The following PDGFC variants were observed in gnomAD, a reference collection of about 807,000 sequenced individuals.
The protein encoded by PDGFC is platelet-derived growth factor C.
A neutral mutation model predicts 35.5 loss-of-function variants in PDGFC; 12 were observed. The ratio of observed to expected loss-of-function variants is 0.34; its 90% CI spans 0.22 to 0.55. PDGFC has a LOEUF of 0.55. PDGFC is among the 20% of genes least tolerant of loss of function. The pLI, the probability that PDGFC is intolerant of heterozygous loss-of-function variation, is 0.91. For missense variants in PDGFC, 322 were observed against 412.4 expected, an observed-to-expected ratio of 0.78 and a Z score of 1.90; for synonymous variants, 159 against 148.8, an observed-to-expected ratio of 1.07 and a Z score of -0.50.
In PDGFC at chr4:156,956,303, CT is replaced by C; in HGVS notation, c.118+14482del. ...TAGCCATGGAGAACAACAATGTAGACTTTCCTTACTCAAAGTTTGGTCCTCA... is the reference window on the plus strand; with the variant it reads ...TAGCCATGGAGAACAACAATGTAGACTTCCTTACTCAAAGTTTGGTCCTCA... On this transcript the variant is annotated intron_variant, in intron 1 of 5. Coordinates refer to ENST00000502773, the MANE Select transcript of PDGFC (RefSeq NM_016205.3). Among the ~76,000 whole-genome samples, 4 of 152,148 alleles carry C rather than the reference CT, an allele frequency of 2.6e-5. 1 individual carries two copies. The highest frequency in any genetic ancestry group is 2.6e-4 in the Admixed American group (4 of 15,266).
At chr4:156,846,208 A>G (rs1158686236) in intron 2 of PDGFC, among the ~76,000 whole-genome samples, 1 of 151,908 alleles carries the variant, frequency 6.6e-6, no homozygotes, top group East Asian at 1.9e-4. Context: ...CATAAATCAC[A>G]TTAATTACAA....
chr4:156,961,848 T>C (rs1219934654), intron 1 of PDGFC, among the ~76,000 whole-genome samples: 2 of 152,070 alleles, frequency 1.3e-5, no homozygotes, highest in Non-Finnish European at 2.9e-5. Flanking sequence ...AGTGTGAAAA[T>C]AGCTCTTTGT....
chr4:156,796,648 C>G (rs1319591464), intron 3 of PDGFC, among the ~76,000 whole-genome samples: 1 of 151,974 alleles, frequency 6.6e-6, no homozygotes, highest in African/African-American at 2.4e-5. Context: ...TTTATTTTCT[C>G]TGAACCTCAG....
intron 2 of PDGFC, among the ~76,000 whole-genome samples, chr4:156,827,774 T>C (rs1728815283): frequency 6.6e-6 from 1 of 152,186 alleles, no homozygotes; most frequent in Admixed American, 6.5e-5. Flanking sequence ...AAAATTTTAT[T>C]ATTTTCCAAG....
chr4:156,855,337 T>C (rs1729548869), intron 1 of PDGFC, among the ~76,000 whole-genome samples: 1 of 152,174 alleles, frequency 6.6e-6, no homozygotes, highest in East Asian at 1.9e-4. Context: ...TTCTGGATAA[T>C]ATGCAACTCC....
chr4:156,970,448 A>G (rs755990743), intron 1 of PDGFC, among the ~76,000 whole-genome samples: 24 of 152,084 alleles, frequency 1.6e-4, no homozygotes, highest in Non-Finnish European at 2.2e-4. Flanking sequence ...AGGCTCATTC[A>G]TTTTGGATTC....
intron 1 of PDGFC, among the ~76,000 whole-genome samples, chr4:156,855,736 C>T (rs1023372724): frequency 6.6e-6 from 1 of 152,082 alleles, no homozygotes; most frequent in African/African-American, 2.4e-5. Context: ...TTTCTACATC[C>T]TAATGTTGCT....
At chr4:156,959,882 G>T (rs993527551) in intron 1 of PDGFC, among the ~76,000 whole-genome samples, 3 of 151,852 alleles carry the variant, frequency 2.0e-5, no homozygotes, top group African/African-American at 7.3e-5. Context: ...TTAGTTTAAT[G>T]GGGTGCCCAA....
chr4:156,763,481 C>A (rs184679281), intron 5 of PDGFC, among the ~76,000 whole-genome samples: 1 of 152,076 alleles, frequency 6.6e-6, no homozygotes, highest in Non-Finnish European at 1.5e-5. Context: ...AGACTCACCA[C>A]GCAATTGTTA....
At chr4:156,843,096 G>A (rs952168061) in intron 2 of PDGFC, among the ~76,000 whole-genome samples, 1 of 152,120 alleles carries the variant, frequency 6.6e-6, no homozygotes, top group African/African-American at 2.4e-5. Context: ...ACTCATATGT[G>A]AAATCCTAAC....
chr4:156,962,020 G>A (rs765611097), intron 1 of PDGFC, among the ~76,000 whole-genome samples: 9 of 152,194 alleles, frequency 5.9e-5, no homozygotes, highest in South Asian at 2.1e-4. Flanking sequence ...ACACACCAAA[G>A]CAGAAATCTG....
At chr4:156,884,291 G>A (rs537030304) in intron 1 of PDGFC, among the ~76,000 whole-genome samples, 1 of 152,284 alleles carries the variant, frequency 6.6e-6, no homozygotes, top group South Asian at 2.1e-4. Flanking sequence ...AGGTAAAAGA[G>A]ACAAGAAACA....
intron 1 of PDGFC, among the ~76,000 whole-genome samples, chr4:156,943,045 T>A (rs890322281): frequency 2.6e-5 from 4 of 152,044 alleles, no homozygotes; most frequent in Non-Finnish European, 5.9e-5. Context: ...CTCGAAAAAA[T>A]CTGTGCTTGG....
chr4:156,849,676 G>C (rs1254041901), intron 2 of PDGFC, among the ~76,000 whole-genome samples: 3 of 152,034 alleles, frequency 2.0e-5, no homozygotes, highest in Non-Finnish European at 4.4e-5. Context: ...ACCTGGCAAG[G>C]CATAACGTTA....
At chr4:156,917,256 T>C (rs1457021943) in intron 1 of PDGFC, among the ~76,000 whole-genome samples, 1 of 152,180 alleles carries the variant, frequency 6.6e-6, no homozygotes, top group Non-Finnish European at 1.5e-5. Context: ...AAAATATTAC[T>C]AGAAACCGTC....
intron 1 of PDGFC, among the ~76,000 whole-genome samples, chr4:156,887,790 G>A (rs995095653): frequency 6.6e-6 from 1 of 151,776 alleles, no homozygotes; most frequent in Non-Finnish European, 1.5e-5. Context: ...GAGGTGGGCC[G>A]AACACTTGAG....
chr4:156,886,605 C>T (rs1175212717), intron 1 of PDGFC: 1 of 152,112 alleles, frequency 6.6e-6, no homozygotes, highest in African/African-American at 2.4e-5. Flanking sequence ...CGAACATGCC[C>T]CCAGCTCTGA....
At chr4:156,802,441 C>G (rs181502741) in intron 3 of PDGFC, among the ~76,000 whole-genome samples, 1 of 151,938 alleles carries the variant, frequency 6.6e-6, no homozygotes, top group Non-Finnish European at 1.5e-5. Context: ...AATGAAATTG[C>G]CAGATACCCC....
At chr4:156,897,226 T>A in intron 1 of PDGFC, among the ~76,000 whole-genome samples, 1 of 152,058 alleles carries the variant, frequency 6.6e-6, no homozygotes, top group East Asian at 1.9e-4. Context: ...TTTAGTAATT[T>A]TAAAGTTGGG....
Sources: allele counts gnomAD v4.1 joint callset (sites outside exome capture counted in the v4.1 genomes callset), GRCh38; gene constraint gnomAD v4.1.1; transcripts MANE v1.5; gene names NCBI Gene and HGNC (gene_info 2026-07-23, HGNC 2026-07-21).